The following RFX7 variants were observed in gnomAD, a reference collection of about 807,000 sequenced individuals.
The protein encoded by RFX7 is regulatory factor X7.
RFX7 carries 26 observed loss-of-function variants against 111.8 expected under a neutral mutation model. The ratio of observed to expected loss-of-function variants is 0.23; its 90% CI spans 0.17 to 0.32. The LOEUF (loss-of-function observed/expected upper bound fraction) is 0.32. RFX7 is among the 10% of genes least tolerant of loss of function. The probability of loss-of-function intolerance (pLI) is 1.00; values close to 1 mark genes in which losing one functional copy is unlikely to be tolerated. For synonymous variants in RFX7, 624 were observed against 624.4 expected (o/e 1.00, Z 0.01); for missense variants, 1,573 against 1,772.9 (o/e 0.89, Z 2.02).
intron 5 of RFX7, among the ~76,000 whole-genome samples, chr15:56,116,200 A>G (rs1181025371): frequency 3.3e-5 from 5 of 152,220 alleles, no homozygotes; most frequent in South Asian, 4.1e-4. Flanking sequence ...TGTATACATG[A>G]AAACAAAAAA....
intron 2 of RFX7, among the ~76,000 whole-genome samples, chr15:56,199,431 G>T (rs1464321048): frequency 6.6e-6 from 1 of 152,132 alleles, no homozygotes; most frequent in South Asian, 2.1e-4. Flanking sequence ...TAACAGGATT[G>T]TAAAAATATG....
intron 3 of RFX7, among the ~76,000 whole-genome samples, chr15:56,159,865 T>A (rs73409482): frequency 1.3e-5 from 2 of 152,200 alleles, no homozygotes; most frequent in African/African-American, 4.8e-5. Context: ...CATTATTTAT[T>A]GGCATAATAT....
chr15:56,168,380 T>C (rs999513071), intron 3 of RFX7, among the ~76,000 whole-genome samples: 5 of 152,232 alleles, frequency 3.3e-5, no homozygotes, highest in African/African-American at 1.2e-4. Context: ...AGTAAATATT[T>C]ACTGAGTGTC....
chr15:56,217,757 T>C (rs2043377735), intron 2 of RFX7, among the ~76,000 whole-genome samples: 1 of 152,222 alleles, frequency 6.6e-6, no homozygotes, highest in Non-Finnish European at 1.5e-5. Context: ...GTTTTAATGA[T>C]ATGCATAGCT....
At chr15:56,157,531 G>C (rs2042668655) in intron 3 of RFX7, among the ~76,000 whole-genome samples, 1 of 152,120 alleles carries the variant, frequency 6.6e-6, no homozygotes, top group African/African-American at 2.4e-5. Flanking sequence ...TTTATGTTCA[G>C]CATATGAAAA....
intron 3 of RFX7, among the ~76,000 whole-genome samples, chr15:56,161,632 C>T (rs1185295758): frequency 6.6e-6 from 1 of 151,912 alleles, no homozygotes; most frequent in Non-Finnish European, 1.5e-5. Flanking sequence ...AGAAACACAA[C>T]TACAATGAAT....
intron 2 of RFX7, among the ~76,000 whole-genome samples, chr15:56,205,947 T>C (rs1229908334): frequency 6.6e-6 from 1 of 152,124 alleles, no homozygotes; most frequent in Non-Finnish European, 1.5e-5. Context: ...TTAACAAGTG[T>C]TAGTAAAGAT....
chr15:56,103,790 G>T, intron 5 of RFX7, 120 bp from the exon 6 acceptor site: 1 of 642,648 alleles, frequency 1.6e-6, no homozygotes, highest in Non-Finnish European at 2.7e-6. Flanking sequence ...CAAGTCATTT[G>T]CCACAATGTC....
At position 56,135,019 on chromosome 15, in the gene RFX7, G is replaced by C. The variant is rs2042278529; in HGVS notation, c.401+7759C>G. Among the ~76,000 whole-genome samples, 7 of 152,252 alleles carry C rather than the reference G, an allele frequency of 4.6e-5. No homozygotes were observed. The South Asian group carries it at 1.5e-3, about 32-fold the overall frequency. On this transcript the variant is annotated intron_variant, in intron 5 of 9. Transcript: ENST00000559447. ...TTTCTTAATCCGGTCTATCATTGTT[G>C]GACATTTGGGTTGGTTCCAAGTCTT...
chr15:56,098,897 C>T (rs2041717352), intron 8 of RFX7, among the ~76,000 whole-genome samples: 1 of 152,094 alleles, frequency 6.6e-6, no homozygotes, highest in Non-Finnish European at 1.5e-5. Context: ...ATCCTACCAG[C>T]AATTCATGGA....
In RFX7 at chr15:56,243,562, C is replaced by T. The variant is rs1469995140; in HGVS notation, c.-120G>A. The T allele has an allele frequency of 2.4e-5, 23 of 959,382 alleles. No individual in the cohort carries two copies. The highest frequency in any genetic ancestry group is 5.3e-4 in the Middle Eastern group (1 of 1,888). The allele number at this position is 959,382 out of a possible 1,614,324, so 59.4% of individuals were successfully genotyped here. On this transcript the variant is annotated 5_prime_UTR_variant, in exon 1 of 10. Coordinates refer to ENST00000559447, the MANE Select transcript of RFX7 (RefSeq NM_022841.7). The stretch of plus-strand genomic sequence containing the variant: ...GAGAGGCATGGCGGCGCCCCTCAGC[C>T]CCCCGCTGGCGCCGCCGCCTCCTCC...
chr15:56,101,987 C>G (rs2041759507), intron 7 of RFX7, among the ~76,000 whole-genome samples, 182 bp downstream of exon 7: 1 of 152,142 alleles, frequency 6.6e-6, no homozygotes, highest in Non-Finnish European at 1.5e-5. Context: ...TTTGTTCCCC[C>G]AAATTTCATG....
intron 2 of RFX7, among the ~76,000 whole-genome samples, chr15:56,214,082 C>T (rs1378738734): frequency 8.5e-5 from 13 of 152,114 alleles, no homozygotes; most frequent in Admixed American, 7.8e-4. Flanking sequence ...TTTTTCTAGG[C>T]TCAATTCTTT....
intron 2 of RFX7, among the ~76,000 whole-genome samples, chr15:56,208,137 A>G (rs1288976934): frequency 1.3e-5 from 2 of 152,222 alleles, no homozygotes; most frequent in Non-Finnish European, 2.9e-5. Flanking sequence ...GATAACTTTC[A>G]TGCCTTAGAC....
intron 5 of RFX7, among the ~76,000 whole-genome samples, chr15:56,109,994 CCCCGTCCGGGAGGCGAGGGGCGCCTCTG>C (rs2041892642): frequency 7.0e-6 from 1 of 142,698 alleles, no homozygotes; most frequent in Non-Finnish European, 1.6e-5. Context: ...CGGCCAGCCG[CCCCGTCCGGGAGGCGAGGGGCGCCTCTG>C]CCCGGCCGCC....
intron 8 of RFX7, among the ~76,000 whole-genome samples, chr15:56,098,665 T>C (rs1474328069): frequency 6.6e-6 from 1 of 152,236 alleles, no homozygotes; most frequent in East Asian, 1.9e-4. Flanking sequence ...AAACCGTAGC[T>C]ATATCGTAAA....
At chr15:56,104,858 GAA>G (rs2140532843) in intron 5 of RFX7, among the ~76,000 whole-genome samples, 1 of 152,270 alleles carries the variant, frequency 6.6e-6, no homozygotes, top group South Asian at 2.1e-4. Context: ...GCTACGAGCA[GAA>G]AGGGAACTAA....
intron 8 of RFX7, among the ~76,000 whole-genome samples, chr15:56,098,698 C>A (rs2041714815): frequency 6.6e-6 from 1 of 152,152 alleles, no homozygotes; most frequent in Admixed American, 6.5e-5. Context: ...GAGATAAATG[C>A]CAACACAGCA....
rs1184009208 is a variant in RFX7, at chr15:56,095,992, A to C, written c.1736T>G (p.Leu579Arg). Residue 579 changes from leucine (L) to arginine (R), a missense_variant, in exon 10 of 10, where the codon CTG (leucine) becomes CGG (arginine). Transcript: ENST00000559447. ...GACACCTTCATTTGAAGGTTTCTGCAGTGCTCCGTCTGTATTACTTTTCTG... is the reference window on the plus strand; with the variant it reads ...GACACCTTCATTTGAAGGTTTCTGCCGTGCTCCGTCTGTATTACTTTTCTG... The part of the protein sequence containing the change: ...LGQKSNTDGA[L>R]QKPSNEGVIE... The C allele has an allele frequency of 2.5e-6, 4 of 1,612,416 alleles. No individual in the cohort carries two copies. The highest frequency in any genetic ancestry group is 3.4e-6 in the Non-Finnish European group (4 of 1,179,530).
Sources: allele counts gnomAD v4.1 joint callset (sites outside exome capture counted in the v4.1 genomes callset), GRCh38; gene constraint gnomAD v4.1.1; transcripts MANE v1.5; gene names NCBI Gene and HGNC (gene_info 2026-07-23, HGNC 2026-07-21).